LRRC2: variants seen among roughly 807,000 people sequenced by gnomAD.
LRRC2 encodes leucine rich repeat containing 2.
A neutral mutation model predicts 40.2 loss-of-function variants in LRRC2; 27 were observed. The ratio of observed to expected loss-of-function variants is 0.67; its 90% CI spans 0.49 to 0.93. The LOEUF (loss-of-function observed/expected upper bound fraction) is 0.93, where lower values mean the gene tolerates loss of function less well. Among genes scored for constraint, LRRC2 ranks in the 40% least tolerant of loss-of-function variants. LRRC2 has a pLI of 0.00. For synonymous variants in LRRC2, 147 were observed against 158.9 expected (o/e 0.92, Z 0.56); for missense variants, 402 against 439.6 (o/e 0.91, Z 0.76).
intron 4 of LRRC2, among the ~76,000 whole-genome samples, chr3:46,537,797 G>A (rs886597142): frequency 4.6e-5 from 7 of 152,178 alleles, no homozygotes; most frequent in Admixed American, 3.9e-4. Flanking sequence ...CATGGATACC[G>A]ACAGAAGACA....
At chr3:46,531,675 C>T (rs931328103) in intron 5 of LRRC2, among the ~76,000 whole-genome samples, 6 of 152,084 alleles carry the variant, frequency 3.9e-5, no homozygotes, top group African/African-American at 9.7e-5. Context: ...TGGATCTGTG[C>T]GGGGAACCAT....
At chr3:46,524,325 G>C (rs1008508224) in intron 7 of LRRC2, among the ~76,000 whole-genome samples, 2 of 152,232 alleles carry the variant, frequency 1.3e-5, no homozygotes, top group Admixed American at 1.3e-4. Context: ...GGCTACCTTA[G>C]AGAAAATCTC....
At chr3:46,525,239 C>T (rs6775724) in intron 7 of LRRC2, among the ~76,000 whole-genome samples, 56,960 of 149,648 alleles carry the variant, frequency 0.38, 12,812 homozygotes, top group East Asian at 0.53. Context: ...CAGGCACATG[C>T]CACCATGCCA....
At chr3:46,526,965 C>T (rs1181410561) in intron 7 of LRRC2, among the ~76,000 whole-genome samples, 1 of 152,244 alleles carries the variant, frequency 6.6e-6, no homozygotes, top group Admixed American at 6.5e-5. Flanking sequence ...GGAGCCAGGA[C>T]TTTTCAATTC....
At chr3:46,557,863 C>T (rs1161876446) in intron 1 of LRRC2, 2 of 152,278 alleles carry the variant, frequency 1.3e-5, no homozygotes, top group African/African-American at 4.8e-5. Flanking sequence ...GTCCAGATGG[C>T]CTTCAGAGTG....
intron 2 of LRRC2, 84 bp from the exon 3 acceptor site, chr3:46,545,337 T>A: frequency 8.6e-7 from 1 of 1,163,042 alleles, no homozygotes; most frequent in Non-Finnish European, 1.3e-6. Flanking sequence ...CACCTGGGCA[T>A]AGGTGCTCTC....
chr3:46,533,753 CT>C (rs1186584529), intron 4 of LRRC2, among the ~76,000 whole-genome samples: 31 of 83,998 alleles, frequency 3.7e-4, no homozygotes, highest in Admixed American at 6.1e-4. Flanking sequence ...TTCCTTCTTC[CT>C]TCCCTCCCTC....
chr3:46,538,834 G>A (rs7651745), intron 4 of LRRC2, among the ~76,000 whole-genome samples: 151,032 of 152,386 alleles, frequency 0.99, 74,863 homozygotes, highest in Middle Eastern at 1. Context: ...CAAGTGTCCT[G>A]TGTGCTGAGT....
intron 4 of LRRC2, among the ~76,000 whole-genome samples, 166 bp downstream of exon 4, chr3:46,538,879 G>T (rs991917433): frequency 6.6e-6 from 1 of 152,274 alleles, no homozygotes; most frequent in South Asian, 2.1e-4. Flanking sequence ...CCACCCAAAG[G>T]GATGCTGCAA....
At chr3:46,554,857 C>G (rs1422909365) in intron 1 of LRRC2, among the ~76,000 whole-genome samples, 1 of 152,090 alleles carries the variant, frequency 6.6e-6, no homozygotes, top group Non-Finnish European at 1.5e-5. Flanking sequence ...ACATTCCCAC[C>G]AGCAGTGTAT....
chr3:46,518,987 G>C lies in LRRC2; in HGVS notation c.*27C>G, dbSNP rs750173977. ...GATTTATATATAGCTCCAGAGAATA[G>C]TGAGATTTGCAGTCTTCTGATGGAT... On this transcript the variant is annotated 3_prime_UTR_variant, in exon 9 of 9. Transcript: ENST00000395905. 1 of 1,482,908 alleles carries C rather than the reference G, an allele frequency of 6.7e-7. No individual in the cohort carries two copies. The highest frequency in any genetic ancestry group is 9.4e-7 in the Non-Finnish European group (1 of 1,060,784). The allele number at this position is 1,482,908 out of a possible 1,614,324, so 91.9% of individuals were successfully genotyped here.
rs1167536028 is a variant in LRRC2 at position 46,555,305 on chromosome 3, G to C, written c.-19-3695C>G. ...CTGGATCATTTATTTAACCAATTCT[G>C]ACTATCTCTATCTTTTAATTGATGT... On this transcript the variant is annotated intron_variant, in intron 1 of 8. Coordinates refer to ENST00000395905, the MANE Select transcript of LRRC2 (RefSeq NM_024512.5). Among the ~76,000 whole-genome samples the C allele has an allele frequency of 2.0e-5, 3 of 151,908 alleles. No individual in the cohort carries two copies. The South Asian group carries it at 6.2e-4, about 32-fold the overall frequency.
chr3:46,521,413 G>T (rs2106974301), intron 8 of LRRC2, 109 bp downstream of exon 8: 1 of 743,290 alleles, frequency 1.3e-6, no homozygotes, highest in Non-Finnish European at 2.1e-6. Flanking sequence ...GAAGTAACGT[G>T]CCCCTCAACC....
intron 3 of LRRC2, among the ~76,000 whole-genome samples, chr3:46,540,695 T>C (rs1704367936): frequency 1.3e-5 from 2 of 152,164 alleles, no homozygotes; most frequent in South Asian, 4.1e-4. Context: ...AAGTTCAAGA[T>C]GGTGAGCACA....
At chr3:46,564,597 G>A (rs919307860) in intron 1 of LRRC2, among the ~76,000 whole-genome samples, 9 of 152,060 alleles carry the variant, frequency 5.9e-5, no homozygotes, top group African/African-American at 1.9e-4. Flanking sequence ...CATCATGCAG[G>A]TGCCAAGCCA....
chr3:46,518,817 C>A lies in LRRC2; in HGVS notation c.*197G>T. ...AACCTGGAAATATCAATATACAAAC[C>A]AATTTTTCAATTCTCCAGTCCATGG... On this transcript the variant is annotated 3_prime_UTR_variant, in exon 9 of 9. Coordinates refer to ENST00000395905, the MANE Select transcript of LRRC2 (RefSeq NM_024512.5). The A allele has an allele frequency of 2.0e-6, 1 of 499,162 alleles. No homozygotes were observed. Among genetic ancestry groups the A allele is most frequent in the South Asian group, 4.1e-5 (1 of 24,496 alleles). The allele number at this position is 499,162 out of a possible 1,614,324, so 30.9% of individuals were successfully genotyped here.
At chr3:46,537,870 C>T (rs149908106) in intron 4 of LRRC2, among the ~76,000 whole-genome samples, 8 of 152,306 alleles carry the variant, frequency 5.3e-5, no homozygotes, top group African/African-American at 1.4e-4. Flanking sequence ...GTTTACCAAG[C>T]GTGATGCAGA....
chr3:46,521,410 C>T (rs1471909776), intron 8 of LRRC2, 112 bp downstream of exon 8: 3 of 725,768 alleles, frequency 4.1e-6, no homozygotes, highest in African/African-American at 1.8e-5. Context: ...TACGAAGTAA[C>T]GTGCCCCTCA....
At chr3:46,556,278 T>G (rs1330743776) in intron 1 of LRRC2, among the ~76,000 whole-genome samples, 1 of 151,852 alleles carries the variant, frequency 6.6e-6, no homozygotes, top group Non-Finnish European at 1.5e-5. Flanking sequence ...CACCACCATA[T>G]CTGGCTAATT....
Sources: gnomAD v4.1 joint callset for allele counts (sites outside exome capture counted in the v4.1 genomes callset) on GRCh38, gnomAD v4.1.1 for gene constraint, MANE v1.5 for transcripts, NCBI Gene and HGNC (gene_info 2026-07-23, HGNC 2026-07-21) for gene names.